Variants in TPO observed in about 807,000 individuals in gnomAD.
The protein encoded by TPO is thyroid peroxidase.
A neutral mutation model predicts 96.9 loss-of-function variants in TPO; 78 were observed. The ratio of observed to expected loss-of-function variants is 0.81; its 90% CI spans 0.67 to 0.97. The LOEUF (loss-of-function observed/expected upper bound fraction) is 0.97, where lower values mean the gene tolerates loss of function less well. Ranked by LOEUF, TPO falls within the 50% of genes least tolerant of loss-of-function variation. The pLI, the probability that TPO is intolerant of heterozygous loss-of-function variation, is 0.00. For synonymous variants in TPO, 547 were observed against 538.0 expected, an observed-to-expected ratio of 1.02 and a Z score of -0.23; for missense variants, 1,252 against 1,274.8, an observed-to-expected ratio of 0.98 and a Z score of 0.27.
intron 15 of TPO, among the ~76,000 whole-genome samples, chr2:1,521,076 C>T (rs1273658226): frequency 3.3e-5 from 5 of 152,142 alleles, no homozygotes; most frequent in East Asian, 1.9e-4. Flanking sequence ...CGTTGATAAA[C>T]GGTGCCCTAT....
upstream of TPO, among the ~76,000 whole-genome samples, chr2:1,409,322 G>T (rs1662292758): frequency 6.6e-6 from 1 of 152,112 alleles, no homozygotes; most frequent in Non-Finnish European, 1.5e-5. Flanking sequence ...AAACCCTCCT[G>T]TATTTGTCTT....
intron 5 of TPO, chr2:1,438,752 G>A: frequency 4.3e-6 from 3 of 701,428 alleles, no homozygotes; most frequent in Non-Finnish European, 5.2e-6. Context: ...TGCTTGATTT[G>A]CAAACAGAAG....
rs967741114 is a variant in TPO at position 1,442,376 on chromosome 2, G to A, written c.482+5992G>A. Among the ~76,000 whole-genome samples the A allele has an allele frequency of 3.3e-5, 5 of 152,158 alleles. No individual in the cohort carries two copies. In the South Asian group the frequency reaches 8.3e-4, roughly 25 times the overall value. ...CAGCCAGAAAACAAAGGGGCCACGA[G>A]CCACTGTTTGCTCTGTGGTCTAAAT... On this transcript the variant is annotated intron_variant, in intron 5 of 16. Coordinates refer to ENST00000329066, the MANE Select transcript of TPO (RefSeq NM_001206744.2).
At chr2:1,489,067 G>T (rs1357166710) in intron 10 of TPO, among the ~76,000 whole-genome samples, 4 of 151,162 alleles carry the variant, frequency 2.6e-5, no homozygotes, top group Admixed American at 2.6e-4. Context: ...CACATGCCCG[G>T]CACATGCCCA....
intron 15 of TPO, among the ~76,000 whole-genome samples, chr2:1,526,772 C>A (rs1461349911): frequency 3.7e-5 from 5 of 133,992 alleles, no homozygotes; most frequent in East Asian, 2.8e-4. Context: ...TGCAACCTCC[C>A]CAAATCCCCC....
intron 15 of TPO, among the ~76,000 whole-genome samples, chr2:1,532,708 C>CG (rs1460560958): frequency 2.3e-3 from 4 of 1,754 alleles, no homozygotes; most frequent in African/African-American, 9.6e-3. Context: ...TCCCCAAATC[C>CG]CCCACTGTGA....
intron 14 of TPO, among the ~76,000 whole-genome samples, chr2:1,508,096 G>T (rs901569292): frequency 1.3e-5 from 2 of 150,868 alleles, no homozygotes; most frequent in East Asian, 1.9e-4. Flanking sequence ...TAGCATGAAG[G>T]GTTGTTGAAT....
intron 3 of TPO, among the ~76,000 whole-genome samples, chr2:1,426,260 A>G (rs1664376779): frequency 6.7e-6 from 1 of 148,226 alleles, no homozygotes; most frequent in Non-Finnish European, 1.5e-5. Context: ...TGATCATTTC[A>G]TATACTCAGA....
chr2:1,496,393 G>A (rs1672346115), intron 12 of TPO, among the ~76,000 whole-genome samples, 196 bp downstream of exon 12: 1 of 152,186 alleles, frequency 6.6e-6, no homozygotes, highest in Admixed American at 6.5e-5. Flanking sequence ...GGAACTGGAG[G>A]CCTAGAGAAA....
At chr2:1,406,561 G>A (rs1662253470) in intron 1 of TPO, among the ~76,000 whole-genome samples, 1 of 152,220 alleles carries the variant, frequency 6.6e-6, no homozygotes. Context: ...GGGCCTCTGA[G>A]ATGCTCTTGC....
intron 15 of TPO, among the ~76,000 whole-genome samples, chr2:1,537,152 C>G (rs1320267399): frequency 1.8e-5 from 2 of 111,192 alleles, no homozygotes; most frequent in East Asian, 2.9e-4. Flanking sequence ...TACCCCCACT[C>G]TGTGCAAGTG....
intron 1 of TPO, among the ~76,000 whole-genome samples, chr2:1,379,053 C>T (rs950850574): frequency 2.6e-5 from 4 of 152,076 alleles, no homozygotes; most frequent in African/African-American, 9.7e-5. Context: ...AGTGAAGGCC[C>T]CAGAACTCTG....
At chr2:1,434,286 T>G (rs1279897854) in intron 4 of TPO, among the ~76,000 whole-genome samples, 1 of 152,224 alleles carries the variant, frequency 6.6e-6, no homozygotes, top group Non-Finnish European at 1.5e-5. Context: ...TCAAGAATTT[T>G]TTCTCTGCAG....
Position 1,542,779 on chromosome 2 carries a change from C to T in TPO, c.*305C>T. 1.5e-6 allele frequency: 1 copy of T among 669,044 alleles called. No homozygotes were observed. The highest frequency in any genetic ancestry group is 3.0e-5 in the Admixed American group (1 of 33,146). The allele number at this position is 669,044 out of a possible 1,614,324, so 41.4% of individuals were successfully genotyped here. Reference sequence around the variant, plus strand: ...AACACCACTCTTGCAATCCTCCTGTCTCCACCTTCTGGCATCTCTGATGCC... The same window carrying T: ...AACACCACTCTTGCAATCCTCCTGTTTCCACCTTCTGGCATCTCTGATGCC... On this transcript the variant is annotated 3_prime_UTR_variant, in exon 17 of 17. Coordinates refer to ENST00000329066, the MANE Select transcript of TPO (RefSeq NM_001206744.2).
chr2:1,416,676 G>A (rs1662996531), intron 2 of TPO, among the ~76,000 whole-genome samples: 2 of 152,210 alleles, frequency 1.3e-5, no homozygotes, highest in Non-Finnish European at 2.9e-5. Context: ...CTGACTTATT[G>A]TTTGCTTGAA....
At chr2:1,422,900 A>C in intron 2 of TPO, 145 bp from the exon 3 acceptor site, 1 of 803,524 alleles carries the variant, frequency 1.2e-6, no homozygotes, top group Non-Finnish European at 2.1e-6. Context: ...TGTGGAGGGA[A>C]GCGACCCCGG....
At chr2:1,508,676 G>A (rs1000130810) in intron 14 of TPO, among the ~76,000 whole-genome samples, 1 of 152,196 alleles carries the variant, frequency 6.6e-6, no homozygotes, top group African/African-American at 2.4e-5. Flanking sequence ...TTTGCGTAGA[G>A]GTGTTTATAG....
intron 7 of TPO, among the ~76,000 whole-genome samples, chr2:1,464,874 C>T (rs1423170709): frequency 6.6e-6 from 1 of 152,156 alleles, no homozygotes; most frequent in Non-Finnish European, 1.5e-5. Flanking sequence ...CTGACTGTTC[C>T]TTTTGCTGTG....
chr2:1,505,771 T>C lies in TPO; in HGVS notation c.2518+1692T>C, dbSNP rs1673383779. On this transcript the variant is annotated intron_variant, in intron 14 of 16. Coordinates refer to ENST00000329066, the MANE Select transcript of TPO (RefSeq NM_001206744.2). ...CAACAGGCCCCAGTGTGTGCTGTTC[T>C]CCTTTCTGTGTCCATGCAAAGGAAC... Among the ~76,000 whole-genome samples the C allele has an allele frequency of 4.0e-5, 6 of 151,498 alleles. No individual in the cohort carries two copies. The South Asian group carries it at 1.3e-3, about 32-fold the overall frequency.
Sources: allele counts gnomAD v4.1 joint callset (sites outside exome capture counted in the v4.1 genomes callset), GRCh38; gene constraint gnomAD v4.1.1; transcripts MANE v1.5; gene names NCBI Gene and HGNC (gene_info 2026-07-23, HGNC 2026-07-21).